The following CTNNA3 variants were observed in gnomAD, a reference collection of about 807,000 sequenced individuals.
CTNNA3 encodes catenin alpha 3, also known as catenin alpha-3.
Under a neutral mutation model 95.7 loss-of-function variants are expected in CTNNA3, and 76 were observed. The observed-to-expected ratio is 0.79, with a 90% CI of 0.66 to 0.96. The LOEUF is 0.96. Ranked by LOEUF, CTNNA3 falls within the 40% of genes least tolerant of loss-of-function variation. CTNNA3 has a pLI of 0.00. For missense variants in CTNNA3, 1,191 were observed against 1,089.8 expected (o/e 1.09, Z -1.31); for synonymous variants, 431 against 374.4 (o/e 1.15, Z -1.74).
At chr10:67,346,843 A>T (rs530091044) in intron 5 of CTNNA3, 51 of 315,902 alleles carry the variant, frequency 1.6e-4, no homozygotes, top group African/African-American at 1.1e-3. Flanking sequence ...ACTGATATCA[A>T]TGCCACATCA....
chr10:66,817,337 G>A (rs1842129341), intron 7 of CTNNA3, among the ~76,000 whole-genome samples: 1 of 151,388 alleles, frequency 6.6e-6, no homozygotes, highest in Non-Finnish European at 1.5e-5. Context: ...TGATAAAAGA[G>A]GATAAAAAAC....
rs142782205 is a variant in CTNNA3, at chr10:66,831,844, G to A, written c.1048-56320C>T. 6.1e-3 allele frequency among the ~76,000 whole-genome samples: 929 copies of A among 152,246 alleles called. 8 individuals are homozygous for A. Among genetic ancestry groups the A allele is most frequent in the Admixed American group, 0.012 (189 of 15,282 alleles). ...TTCTCTTTTATCTGATATCTTCAGG[G>A]ATGAGATATTCTGATTAATTCATTC... On this transcript the variant is annotated intron_variant, in intron 7 of 17. Transcript: ENST00000433211.
intron 7 of CTNNA3, among the ~76,000 whole-genome samples, chr10:67,129,718 C>A (rs149205538): frequency 6.6e-6 from 1 of 152,016 alleles, no homozygotes; most frequent in Non-Finnish European, 1.5e-5. Context: ...ACAATAGAAA[C>A]GAAAGTGCTA....
intron 9 of CTNNA3, among the ~76,000 whole-genome samples, chr10:66,732,567 G>A (rs1026499580): frequency 6.6e-6 from 1 of 152,120 alleles, no homozygotes; most frequent in Non-Finnish European, 1.5e-5. Flanking sequence ...CGTGGTGGCA[G>A]GAAGGAGAAG....
intron 7 of CTNNA3, among the ~76,000 whole-genome samples, chr10:66,810,058 G>C (rs1321763352): frequency 6.6e-6 from 1 of 152,096 alleles, no homozygotes; most frequent in Admixed American, 6.6e-5. Context: ...ACCTGCCTCG[G>C]CCTCTCAAAG....
chr10:67,022,156 T>G (rs1442422721), intron 7 of CTNNA3, among the ~76,000 whole-genome samples: 1 of 152,028 alleles, frequency 6.6e-6, no homozygotes, highest in Non-Finnish European at 1.5e-5. Flanking sequence ...AATTTAAGGA[T>G]GTAGAACAAG....
chr10:66,726,521 T>C (rs996125830), intron 9 of CTNNA3, among the ~76,000 whole-genome samples: 4 of 152,114 alleles, frequency 2.6e-5, no homozygotes, highest in African/African-American at 9.7e-5. Flanking sequence ...ACATTCTATT[T>C]TGAACATCAC....
At chr10:66,643,630 T>C (rs1024149074) in intron 9 of CTNNA3, among the ~76,000 whole-genome samples, 1 of 152,190 alleles carries the variant, frequency 6.6e-6, no homozygotes, top group Non-Finnish European at 1.5e-5. Context: ...GCTCTATTTT[T>C]CATCTGTTGT....
At chr10:67,594,227 G>T (rs1842868271) in intron 3 of CTNNA3, among the ~76,000 whole-genome samples, 1 of 152,090 alleles carries the variant, frequency 6.6e-6, no homozygotes, top group Non-Finnish European at 1.5e-5. Flanking sequence ...TTTTATCATT[G>T]TGTCTCTGCC....
At chr10:65,969,503 G>T (rs753677603) in intron 16 of CTNNA3, among the ~76,000 whole-genome samples, 62 of 152,148 alleles carry the variant, frequency 4.1e-4, no homozygotes, top group Non-Finnish European at 5.7e-4. Flanking sequence ...GATCCAAGAT[G>T]AGGTTGAAAA....
chr10:66,829,471 G>A (rs1261868160), intron 7 of CTNNA3, among the ~76,000 whole-genome samples: 2 of 151,782 alleles, frequency 1.3e-5, no homozygotes, highest in Non-Finnish European at 2.9e-5. Flanking sequence ...AAATTAGCCG[G>A]CCATGGTGGC....
At chr10:66,696,109 G>C (rs1564624798) in intron 9 of CTNNA3, among the ~76,000 whole-genome samples, 1 of 152,004 alleles carries the variant, frequency 6.6e-6, no homozygotes, top group Admixed American at 6.6e-5. Context: ...TGAAATGTCA[G>C]GTACAGCAAA....
chr10:66,790,764 C>T (rs1189481400), intron 7 of CTNNA3, among the ~76,000 whole-genome samples: 1 of 151,988 alleles, frequency 6.6e-6, no homozygotes, highest in Non-Finnish European at 1.5e-5. Context: ...TTTTAATCGT[C>T]TTAACAGAAT....
intron 3 of CTNNA3, among the ~76,000 whole-genome samples, chr10:67,562,441 C>A (rs937413803): frequency 6.6e-6 from 1 of 152,164 alleles, no homozygotes; most frequent in Non-Finnish European, 1.5e-5. Context: ...TTCAACAACC[C>A]TTCATGCTAA....
At chr10:66,481,717 C>T (rs1273456838) in intron 11 of CTNNA3, among the ~76,000 whole-genome samples, 7 of 134,342 alleles carry the variant, frequency 5.2e-5, no homozygotes, top group South Asian at 2.3e-4. Flanking sequence ...GTGATCCACC[C>T]GCCTCGGCCT....
intron 14 of CTNNA3, among the ~76,000 whole-genome samples, chr10:66,081,516 A>T (rs2080761801): frequency 6.6e-6 from 1 of 152,134 alleles, no homozygotes; most frequent in South Asian, 2.1e-4. Flanking sequence ...CCAAAAAAAC[A>T]CAAAAAAAAC....
chr10:66,489,063 C>T (rs187926976), intron 11 of CTNNA3, among the ~76,000 whole-genome samples: 11 of 151,944 alleles, frequency 7.2e-5, no homozygotes, highest in Admixed American at 3.9e-4. Context: ...TCTTTGGAGC[C>T]GAGAAGACAG....
intron 7 of CTNNA3, among the ~76,000 whole-genome samples, chr10:67,036,122 T>A (rs1420888261): frequency 6.6e-6 from 1 of 152,142 alleles, no homozygotes; most frequent in Non-Finnish European, 1.5e-5. Flanking sequence ...TCAATTATAA[T>A]TGTTTTACAT....
chr10:67,483,533 C>T lies in CTNNA3; in HGVS notation c.579+38309G>A, dbSNP rs376180902. 1.1e-4 allele frequency among the ~76,000 whole-genome samples: 17 copies of T among 151,134 alleles called. No homozygotes were observed. In the East Asian group the frequency reaches 2.5e-3, roughly 23 times the overall value. ...ATCACAAGGACAAAAAACCAAACAC[C>T]GCATGTTCTCACTCATAGGTGGGAA... On this transcript the variant is annotated intron_variant, in intron 5 of 17. Coordinates refer to ENST00000433211, the MANE Select transcript of CTNNA3 (RefSeq NM_013266.4).
Sources: gnomAD v4.1 joint callset for allele counts (sites outside exome capture counted in the v4.1 genomes callset) on GRCh38, gnomAD v4.1.1 for gene constraint, MANE v1.5 for transcripts, NCBI Gene and HGNC (gene_info 2026-07-23, HGNC 2026-07-21) for gene names.